NXPE2: variants seen among roughly 807,000 people sequenced by gnomAD.
NXPE2 encodes the protein NXPE family member 2.
Under a neutral mutation model 34.4 loss-of-function variants are expected in NXPE2, and 34 were observed. The observed-to-expected ratio is 0.99, with a 90% confidence interval of 0.75 to 1.31. The LOEUF (loss-of-function observed/expected upper bound fraction) is 1.31. Ranked by LOEUF, NXPE2 falls within the 40% of genes most tolerant of loss-of-function variation. The probability of loss-of-function intolerance (pLI) is 0.00; values close to 1 mark genes in which losing one functional copy is unlikely to be tolerated. For synonymous variants in NXPE2, 235 were observed against 231.3 expected (o/e 1.02, Z -0.15); for missense variants, 649 against 672.5 (o/e 0.97, Z 0.39).
At chr11:114,665,231 CT>C in the NXPE2 span, among the ~76,000 whole-genome samples, 3 of 152,060 alleles carry the variant, frequency 2.0e-5, no homozygotes, top group Admixed American at 6.6e-5. Flanking sequence ...TCAAAAAATG[CT>C]TTCTAGTCTC....
the NXPE2 span, among the ~76,000 whole-genome samples, chr11:114,599,838 C>T: frequency 1.3e-5 from 2 of 152,048 alleles, no homozygotes; most frequent in Non-Finnish European, 1.5e-5. Flanking sequence ...TACCAGGCCC[C>T]AGCTCCAACA....
the NXPE2 span, among the ~76,000 whole-genome samples, chr11:114,536,768 T>G: frequency 2.6e-5 from 4 of 151,936 alleles, no homozygotes; most frequent in Admixed American, 1.3e-4. Context: ...AATAACAGGC[T>G]CTGAAATTGA....
chr11:114,809,628 T>C, the NXPE2 span, among the ~76,000 whole-genome samples: 1 of 13,642 alleles, frequency 7.3e-5, no homozygotes, highest in East Asian at 9.6e-3. Context: ...GAATCCAACT[T>C]ACAAGGGACA....
At chr11:114,636,224 T>C in the NXPE2 span, among the ~76,000 whole-genome samples, 17 of 152,124 alleles carry the variant, frequency 1.1e-4, no homozygotes, top group South Asian at 8.3e-4. Context: ...TTATCCATTT[T>C]TTCTAGATTC....
At chr11:114,799,733 C>G in the NXPE2 span, among the ~76,000 whole-genome samples, 1 of 152,220 alleles carries the variant, frequency 6.6e-6, no homozygotes, top group African/African-American at 2.4e-5. Flanking sequence ...AGTGCCAGAG[C>G]TTCAACAGAG....
chr11:114,696,043 A>G (rs1214735712), intron 2 of NXPE2, among the ~76,000 whole-genome samples: 1 of 151,680 alleles, frequency 6.6e-6, no homozygotes, highest in East Asian at 1.9e-4. Flanking sequence ...GAAGAAGAAG[A>G]AGAAGAAATC....
the NXPE2 span, chr11:114,527,119 A>G: frequency 1.3e-5 from 2 of 152,304 alleles, no homozygotes; most frequent in Non-Finnish European, 2.9e-5. Flanking sequence ...TGCTCAGTAA[A>G]TGTTTGCTGA....
chr11:114,761,110 A>G, the NXPE2 span, among the ~76,000 whole-genome samples: 2 of 152,202 alleles, frequency 1.3e-5, no homozygotes, highest in African/African-American at 4.8e-5. Context: ...GATACTTTGA[A>G]ATGGAATGCA....
At chr11:114,703,889 GA>G in intron 3 of NXPE2, 101 bp from the exon 4 acceptor site, 1 of 813,964 alleles carries the variant, frequency 1.2e-6, no homozygotes, top group Non-Finnish European at 2.0e-6. Flanking sequence ...AATAAGGGGG[GA>G]AAGGCATTTG....
At chr11:114,507,501 CT>C in the NXPE2 span, among the ~76,000 whole-genome samples, 1 of 152,148 alleles carries the variant, frequency 6.6e-6, no homozygotes, top group Non-Finnish European at 1.5e-5. Flanking sequence ...GAACAAAATA[CT>C]TGCAAATCAA....
chr11:114,791,769 T>C, the NXPE2 span, among the ~76,000 whole-genome samples: 2 of 152,072 alleles, frequency 1.3e-5, no homozygotes, highest in East Asian at 3.9e-4. Context: ...GATGAAGAAG[T>C]AAAGATGTCA....
chr11:114,746,319 G>A, the NXPE2 span, among the ~76,000 whole-genome samples: 3 of 152,058 alleles, frequency 2.0e-5, no homozygotes, highest in Non-Finnish European at 2.9e-5. Flanking sequence ...GCTGAGCCAG[G>A]ATTTCTGTCA....
intron 2 of NXPE2, among the ~76,000 whole-genome samples, chr11:114,691,372 A>G (rs1951145864): frequency 6.6e-6 from 1 of 151,834 alleles, no homozygotes; most frequent in Admixed American, 6.6e-5. Context: ...CATTGGTTAC[A>G]GATAGGTTGC....
At chr11:114,808,235 G>A in the NXPE2 span, among the ~76,000 whole-genome samples, 1 of 152,092 alleles carries the variant, frequency 6.6e-6, no homozygotes, top group Non-Finnish European at 1.5e-5. Flanking sequence ...CCCACAAGAG[G>A]AAGCAGGAAA....
intron 2 of NXPE2, among the ~76,000 whole-genome samples, chr11:114,685,347 G>T (rs1016609186): frequency 6.6e-6 from 1 of 152,082 alleles, no homozygotes; most frequent in African/African-American, 2.4e-5. Flanking sequence ...ATGAGGGACT[G>T]CTTCCTTGTT....
At chr11:114,616,060 G>C in the NXPE2 span, among the ~76,000 whole-genome samples, 1 of 151,676 alleles carries the variant, frequency 6.6e-6, no homozygotes, top group Admixed American at 6.6e-5. Flanking sequence ...AATAAGTATT[G>C]CCTCATGGGT....
At chr11:114,488,129 C>T in the NXPE2 span, among the ~76,000 whole-genome samples, 1 of 152,058 alleles carries the variant, frequency 6.6e-6, no homozygotes, top group East Asian at 1.9e-4. Flanking sequence ...GCCATCAGGT[C>T]CTGGGCTTTT....
chr11:114,569,933 C>T, the NXPE2 span, among the ~76,000 whole-genome samples: 19 of 152,144 alleles, frequency 1.2e-4, no homozygotes, highest in African/African-American at 4.6e-4. Flanking sequence ...CTACATTCCT[C>T]AAAGTTTATT....
At chr11:114,657,235 A>G in the NXPE2 span, among the ~76,000 whole-genome samples, 22 of 152,246 alleles carry the variant, frequency 1.4e-4, no homozygotes, top group African/African-American at 5.3e-4. Flanking sequence ...TCTATCTCTG[A>G]TTGCAGTTGA....
Sources: allele counts gnomAD v4.1 joint callset (sites outside exome capture counted in the v4.1 genomes callset), GRCh38; gene constraint gnomAD v4.1.1; transcripts MANE v1.5; gene names NCBI Gene and HGNC (gene_info 2026-07-23, HGNC 2026-07-21).